Variants in DLGAP2 observed in about 807,000 individuals in gnomAD.
DLGAP2 encodes the protein disks large-associated protein 2.
A neutral mutation model predicts 100.3 loss-of-function variants in DLGAP2; 26 were observed. That is an observed-to-expected ratio of 0.26 (90% CI 0.19 to 0.36). The LOEUF is 0.36. Ranked by LOEUF, DLGAP2 falls within the 10% of genes least tolerant of loss-of-function variation. DLGAP2 has a pLI of 1.00. For synonymous variants in DLGAP2, 886 were observed against 630.1 expected, an observed-to-expected ratio of 1.41 and a Z score of -6.08; for missense variants, 1,858 against 1,453.2, an observed-to-expected ratio of 1.28 and a Z score of -4.53.
At chr8:1,070,656 G>T (rs984217010) in intron 2 of DLGAP2, among the ~76,000 whole-genome samples, 13 of 152,116 alleles carry the variant, frequency 8.5e-5, no homozygotes, top group African/African-American at 3.1e-4. Context: ...TGTCTGTTCA[G>T]ACACACATAC....
intron 3 of DLGAP2, among the ~76,000 whole-genome samples, chr8:1,498,145 C>G (rs1799603813): frequency 6.6e-6 from 1 of 152,152 alleles, no homozygotes; most frequent in East Asian, 1.9e-4. Context: ...AAATTATTGT[C>G]TGAAGACCTA....
chr8:1,520,574 T>G (rs1800559855), intron 4 of DLGAP2, among the ~76,000 whole-genome samples: 1 of 152,182 alleles, frequency 6.6e-6, no homozygotes, highest in Non-Finnish European at 1.5e-5. Context: ...AAATCCTGCG[T>G]GCTCCCCCTA....
At chr8:1,490,323 T>C (rs140935139) in intron 3 of DLGAP2, among the ~76,000 whole-genome samples, 180 of 152,272 alleles carry the variant, frequency 1.2e-3, no homozygotes, top group Non-Finnish European at 1.3e-3. Flanking sequence ...ACGTGCGGGG[T>C]TGAAAAGGCG....
intron 2 of DLGAP2, among the ~76,000 whole-genome samples, chr8:1,001,387 C>A (rs1259721962): frequency 1.3e-5 from 2 of 152,172 alleles, no homozygotes; most frequent in Non-Finnish European, 2.9e-5. Flanking sequence ...AATTTTTATC[C>A]TTTTTAGGCC....
intron 3 of DLGAP2, among the ~76,000 whole-genome samples, chr8:1,448,939 C>G (rs1798060109): frequency 6.6e-6 from 1 of 152,172 alleles, no homozygotes. Context: ...GCTGGGCCTT[C>G]AAGGAAGCAA....
chr8:1,440,015 G>A (rs1054154742), intron 3 of DLGAP2, among the ~76,000 whole-genome samples: 10 of 152,190 alleles, frequency 6.6e-5, no homozygotes, highest in East Asian at 3.8e-4. Flanking sequence ...AAGTGATAGA[G>A]TGAGGATGTA....
intron 6 of DLGAP2, among the ~76,000 whole-genome samples, chr8:1,619,427 C>A (rs1156958383): frequency 6.6e-6 from 1 of 152,206 alleles, no homozygotes; most frequent in Non-Finnish European, 1.5e-5. Flanking sequence ...AATTTTCTCT[C>A]AATTAATACA....
intron 4 of DLGAP2, among the ~76,000 whole-genome samples, chr8:1,513,739 G>T (rs1022856992): frequency 6.6e-6 from 1 of 152,138 alleles, no homozygotes; most frequent in Non-Finnish European, 1.5e-5. Flanking sequence ...AACAATTATA[G>T]ATGTGTAAGT....
At chr8:1,218,417 G>T (rs1243523587) in intron 2 of DLGAP2, among the ~76,000 whole-genome samples, 2 of 152,012 alleles carry the variant, frequency 1.3e-5, no homozygotes, top group African/African-American at 2.4e-5. Flanking sequence ...CGCTTTATTT[G>T]GGGGTTCTCT....
At chr8:1,678,185 C>T (rs754035033) in intron 11 of DLGAP2, 29 bp from the exon 12 acceptor site, 2 of 1,581,834 alleles carry the variant, frequency 1.3e-6, no homozygotes, top group Non-Finnish European at 1.7e-6. Flanking sequence ...AGAAGGGCTA[C>T]CATCTGTCTT....
At chr8:1,648,370 A>G (rs777294377) in intron 8 of DLGAP2, among the ~76,000 whole-genome samples, 25 of 152,198 alleles carry the variant, frequency 1.6e-4, no homozygotes, top group Admixed American at 7.9e-4. Context: ...TCTATAACCG[A>G]CATGTGCAAG....
rs1271115789 is a variant in DLGAP2, at chr8:1,501,450, C to T, written c.172+19C>T. On this transcript the variant is annotated intron_variant, in intron 4 of 14. Transcript: ENST00000637795. The stretch of plus-strand genomic sequence containing the variant: ...GATCTAGGTAGAGTACAGACGTCAG[C>T]CCCGCTCTGGCGGGGCCCGGACAGA... 2 of 1,535,302 alleles carry T rather than the reference C, an allele frequency of 1.3e-6. No homozygotes were observed. Among genetic ancestry groups the T allele is most frequent in the East Asian group, 2.4e-5 (1 of 40,924 alleles).
chr8:1,212,159 G>C (rs1238175889), intron 2 of DLGAP2, among the ~76,000 whole-genome samples: 2 of 152,164 alleles, frequency 1.3e-5, no homozygotes, highest in Non-Finnish European at 2.9e-5. Flanking sequence ...CAAGAAAAGG[G>C]CAAAATCCCC....
At chr8:1,499,940 C>T (rs1051826365) in intron 3 of DLGAP2, among the ~76,000 whole-genome samples, 5 of 123,610 alleles carry the variant, frequency 4.0e-5, no homozygotes, top group Admixed American at 1.2e-4. Context: ...GAAATAAATC[C>T]GTTTGCAGAC....
intron 2 of DLGAP2, among the ~76,000 whole-genome samples, chr8:1,126,143 C>T (rs898237014): frequency 6.6e-6 from 1 of 152,200 alleles, no homozygotes; most frequent in Non-Finnish European, 1.5e-5. Flanking sequence ...GGCAGTGGTG[C>T]CGTGGATTCT....
intron 10 of DLGAP2, among the ~76,000 whole-genome samples, chr8:1,671,154 C>G (rs1315003584): frequency 1.3e-5 from 2 of 152,276 alleles, no homozygotes; most frequent in South Asian, 4.1e-4. Context: ...AGGCAGCGGC[C>G]GAGACTGGAG....
intron 2 of DLGAP2, among the ~76,000 whole-genome samples, chr8:1,028,660 A>G (rs1801887652): frequency 6.6e-6 from 1 of 152,220 alleles, no homozygotes; most frequent in Admixed American, 6.5e-5. Flanking sequence ...GGGGCTGGAG[A>G]GCCATCCAGG....
chr8:995,522 T>A (rs1223554261), intron 2 of DLGAP2, among the ~76,000 whole-genome samples: 1 of 152,230 alleles, frequency 6.6e-6, no homozygotes, highest in Non-Finnish European at 1.5e-5. Flanking sequence ...TTCCATTACA[T>A]ATATGCATAA....
chr8:1,700,599 G>C (rs1314577895), intron 14 of DLGAP2, among the ~76,000 whole-genome samples: 1 of 150,310 alleles, frequency 6.7e-6, no homozygotes, highest in African/African-American at 2.5e-5. Flanking sequence ...CTAAGGGTGA[G>C]AAATACTTGC....
Sources: gnomAD v4.1 joint callset for allele counts (sites outside exome capture counted in the v4.1 genomes callset) on GRCh38, gnomAD v4.1.1 for gene constraint, MANE v1.5 for transcripts, NCBI Gene and HGNC (gene_info 2026-07-23, HGNC 2026-07-21) for gene names.